SAMD5: variants seen among roughly 807,000 people sequenced by gnomAD.
SAMD5 encodes the protein sterile alpha motif domain containing 5.
SAMD5 carries 13 observed loss-of-function variants against 11.3 expected under a neutral mutation model. The ratio of observed to expected loss-of-function variants is 1.15; its 90% confidence interval spans 0.75 to 1.83. The LOEUF (loss-of-function observed/expected upper bound fraction) is 1.83, where lower values mean the gene tolerates loss of function less well. SAMD5 is among the 40% of genes most tolerant of loss of function. The pLI is 0.00. For missense variants in SAMD5, 255 were observed against 239.1 expected (o/e 1.07, Z -0.44); for synonymous variants, 129 against 111.3 (o/e 1.16, Z -1.00).
intron 1 of SAMD5, among the ~76,000 whole-genome samples, chr6:147,699,847 G>A (rs1165205203): frequency 1.3e-5 from 2 of 152,322 alleles, no homozygotes; most frequent in Middle Eastern, 3.4e-3. Context: ...TAGGAGAAGC[G>A]AGTCATGCAA....
chr6:147,791,127 T>A, the SAMD5 span, among the ~76,000 whole-genome samples: 12 of 151,900 alleles, frequency 7.9e-5, no homozygotes, highest in East Asian at 2.1e-3. Flanking sequence ...AAACCTCACC[T>A]CTACTAAAAA....
At chr6:147,594,710 T>A (rs937291502) in intron 1 of SAMD5, among the ~76,000 whole-genome samples, 6 of 152,140 alleles carry the variant, frequency 3.9e-5, no homozygotes, top group Non-Finnish European at 5.9e-5. Flanking sequence ...ACTGTAAACA[T>A]GCTTCACTAA....
the SAMD5 span, among the ~76,000 whole-genome samples, chr6:147,816,301 A>AAAAAAAAAAAAAAATATATAT: frequency 9.0e-5 from 6 of 66,348 alleles, no homozygotes; most frequent in African/African-American, 5.1e-4. Context: ...AAAAAAAAAA[A>AAAAAAAAAAAAAAATATATAT]ATATATATAT....
chr6:147,556,340 C>T (rs1788856107), intron 1 of SAMD5, among the ~76,000 whole-genome samples: 1 of 152,240 alleles, frequency 6.6e-6, no homozygotes, highest in Non-Finnish European at 1.5e-5. Context: ...GATCCACCTG[C>T]CTCAGCCTCC....
intron 1 of SAMD5, among the ~76,000 whole-genome samples, chr6:147,667,524 C>T (rs1790739984): frequency 6.6e-6 from 1 of 152,166 alleles, no homozygotes; most frequent in Non-Finnish European, 1.5e-5. Context: ...TCTCCTTGTC[C>T]TGTTTGCATT....
At chr6:147,705,280 T>C (rs1398231250) in intron 1 of SAMD5, among the ~76,000 whole-genome samples, 3 of 152,220 alleles carry the variant, frequency 2.0e-5, no homozygotes, top group Non-Finnish European at 4.4e-5. Context: ...CTAGAACTAA[T>C]GTAGATATCT....
chr6:147,781,394 T>G, the SAMD5 span, among the ~76,000 whole-genome samples: 1 of 152,172 alleles, frequency 6.6e-6, no homozygotes, highest in Non-Finnish European at 1.5e-5. Flanking sequence ...TTACATTTAA[T>G]GTTGCCTCTG....
the SAMD5 span, among the ~76,000 whole-genome samples, chr6:147,825,527 A>C: frequency 6.6e-6 from 1 of 152,358 alleles, no homozygotes; most frequent in South Asian, 2.1e-4. Context: ...TAAATATTCC[A>C]GATGGCACAT....
the SAMD5 span, among the ~76,000 whole-genome samples, chr6:147,879,260 AT>A: frequency 1.3e-5 from 2 of 152,302 alleles, 1 homozygote; most frequent in South Asian, 4.1e-4. Context: ...GGGATAAAGA[AT>A]TTTGCCTTTC....
the SAMD5 span, among the ~76,000 whole-genome samples, chr6:147,944,656 A>T: frequency 6.6e-6 from 1 of 152,038 alleles, no homozygotes; most frequent in Admixed American, 6.5e-5. Context: ...CTTAGAGATA[A>T]CTCCTTCTTT....
the SAMD5 span, among the ~76,000 whole-genome samples, chr6:147,759,846 A>G: frequency 2.0e-5 from 3 of 152,164 alleles, no homozygotes; most frequent in Non-Finnish European, 4.4e-5. Context: ...TTTGGAAAAA[A>G]TAGACTCAAA....
At chr6:147,632,594 G>T (rs904796840) in intron 1 of SAMD5, among the ~76,000 whole-genome samples, 1 of 152,182 alleles carries the variant, frequency 6.6e-6, no homozygotes, top group African/African-American at 2.4e-5. Context: ...AGACATGAGG[G>T]CTAGGCTAAA....
the SAMD5 span, among the ~76,000 whole-genome samples, chr6:147,751,907 T>A: frequency 6.6e-6 from 1 of 152,116 alleles, no homozygotes; most frequent in Non-Finnish European, 1.5e-5. Context: ...GGTACATAAA[T>A]AATTATATGA....
intron 1 of SAMD5, among the ~76,000 whole-genome samples, chr6:147,531,554 G>A (rs1194742548): frequency 6.6e-6 from 1 of 152,136 alleles, no homozygotes; most frequent in Non-Finnish European, 1.5e-5. Context: ...TGAATGGAAT[G>A]CTCACTGGGA....
the SAMD5 span, among the ~76,000 whole-genome samples, chr6:147,797,911 A>T: frequency 6.6e-6 from 1 of 150,570 alleles, no homozygotes; most frequent in East Asian, 2.0e-4. Flanking sequence ...ATCGGTGGTG[A>T]TATCCCCTTT....
At chr6:147,579,558 C>T (rs970471413) in intron 1 of SAMD5, among the ~76,000 whole-genome samples, 1 of 145,228 alleles carries the variant, frequency 6.9e-6, no homozygotes, top group East Asian at 2.1e-4. Flanking sequence ...CTCTCCCTCC[C>T]AAGTTCAAGC....
chr6:147,533,330 C>T (rs75270039), intron 1 of SAMD5, among the ~76,000 whole-genome samples: 2,399 of 151,886 alleles, frequency 0.016, 38 homozygotes, highest in East Asian at 0.08. Context: ...GGCGCAGTGG[C>T]TCCTGCCTGT....
the SAMD5 span, among the ~76,000 whole-genome samples, chr6:147,825,539 T>C: frequency 6.6e-6 from 1 of 152,204 alleles, no homozygotes; most frequent in Non-Finnish European, 1.5e-5. Context: ...ATGGCACATT[T>C]TATTAGCATG....
the SAMD5 span, among the ~76,000 whole-genome samples, chr6:147,904,018 A>G: frequency 6.6e-6 from 1 of 152,190 alleles, no homozygotes; most frequent in Non-Finnish European, 1.5e-5. Context: ...TCTATGAAGC[A>G]GACTGTACAA....
Sources: gnomAD v4.1 joint callset for allele counts (sites outside exome capture counted in the v4.1 genomes callset) on GRCh38, gnomAD v4.1.1 for gene constraint, MANE v1.5 for transcripts, NCBI Gene and HGNC (gene_info 2026-07-23, HGNC 2026-07-21) for gene names.